PTPRB: variants seen among roughly 807,000 people sequenced by gnomAD.
PTPRB encodes protein tyrosine phosphatase receptor type B, also known as receptor-type tyrosine-protein phosphatase beta.
In PTPRB, 97 loss-of-function variants were observed where a neutral mutation model predicts 238.1. The ratio of observed to expected loss-of-function variants is 0.41; its 90% CI spans 0.35 to 0.48. The LOEUF is 0.48. PTPRB is among the 20% of genes least tolerant of loss of function. The pLI is 0.30. For missense variants in PTPRB, 2,292 were observed against 2,681.9 expected (o/e 0.85, Z 3.21); for synonymous variants, 970 against 995.4 (o/e 0.97, Z 0.48).
Position 70,524,517 on chromosome 12 carries a change from G to T in PTPRB, c.6579C>A (p.Asn2193Lys), listed in dbSNP as rs372767910. ...RARKLRSEQE[N>K]PLFPIYENVN... Reference sequence around the variant, plus strand: ...CATTTTCATAGATTGGAAACAAGGGGTTTTCTTGTTCACTCCGTAGCTTTC... The same window carrying T: ...CATTTTCATAGATTGGAAACAAGGGTTTTTCTTGTTCACTCCGTAGCTTTC... The change falls in exon 33 of 34, where the codon AAC becomes AAA. Residue 2193 changes from asparagine (N) to lysine (K), a missense_variant. Transcript: ENST00000334414. 3.1e-6 allele frequency: 5 copies of T among 1,613,446 alleles called. No individual in the cohort carries two copies. In the South Asian group the frequency reaches 5.5e-5, roughly 18 times the overall value.
At chr12:70,577,218 T>C (rs1446393147) in intron 10 of PTPRB, among the ~76,000 whole-genome samples, 5 of 152,078 alleles carry the variant, frequency 3.3e-5, no homozygotes, top group African/African-American at 1.2e-4. Flanking sequence ...TGCCCTCTAG[T>C]GGTAAGAAAT....
intron 2 of PTPRB, among the ~76,000 whole-genome samples, chr12:70,633,459 A>G (rs1226585377): frequency 6.6e-6 from 1 of 152,162 alleles, no homozygotes; most frequent in Non-Finnish European, 1.5e-5. Context: ...AAACCAAAGA[A>G]AAAACAAAAA....
At chr12:70,535,123 G>T (rs1873903132) in intron 29 of PTPRB, among the ~76,000 whole-genome samples, 168 bp from the exon 30 acceptor site, 2 of 151,910 alleles carry the variant, frequency 1.3e-5, no homozygotes, top group African/African-American at 4.8e-5. Context: ...TGCTGAAGCT[G>T]AGGTGCTGCT....
At chr12:70,554,117 C>T (rs887515053) in intron 20 of PTPRB, among the ~76,000 whole-genome samples, 1 of 152,186 alleles carries the variant, frequency 6.6e-6, no homozygotes, top group Non-Finnish European at 1.5e-5. Context: ...ACACCACTGA[C>T]CCTTGAAATT....
chr12:70,531,888 C>T, intron 32 of PTPRB, 147 bp downstream of exon 32: 1 of 920,132 alleles, frequency 1.1e-6, no homozygotes, highest in Non-Finnish European at 1.6e-6. Flanking sequence ...AATAACAAGT[C>T]TTAGAAAATA....
intron 18 of PTPRB, among the ~76,000 whole-genome samples, chr12:70,557,182 A>G (rs1592466715): frequency 6.6e-6 from 1 of 152,318 alleles, no homozygotes; most frequent in African/African-American, 2.4e-5. Context: ...AAACCCAGGT[A>G]CCAAAGGAGG....
chr12:70,608,303 T>A (rs1466328152), intron 4 of PTPRB, among the ~76,000 whole-genome samples: 1 of 152,210 alleles, frequency 6.6e-6, no homozygotes, highest in African/African-American at 2.4e-5. Context: ...TGAGGGTAGC[T>A]CTGAGGATTA....
chr12:70,524,459 G>A lies in PTPRB; in HGVS notation c.6625+12C>T, dbSNP rs747856476. The A allele has an allele frequency of 5.7e-6, 9 of 1,591,624 alleles. No homozygotes were observed. The highest frequency in any genetic ancestry group is 1.3e-5 in the African/African-American group (1 of 74,522). On this transcript the variant is annotated intron_variant, in intron 33 of 33. Transcript: ENST00000334414. ...GAAGAAACTTGGGGAAGTAAGTGAA[G>A]TAAGTGCCCACCTCTGTGATACTCT...
intron 32 of PTPRB, 141 bp from the exon 33 acceptor site, chr12:70,524,732 A>G: frequency 1.1e-6 from 1 of 881,582 alleles, no homozygotes; most frequent in East Asian, 2.8e-5. Flanking sequence ...TCTCTGGTAA[A>G]TAAAAGAGTG....
At chr12:70,622,279 G>A (rs956659476) in intron 3 of PTPRB, 111 bp downstream of exon 3, 21 of 1,433,102 alleles carry the variant, frequency 1.5e-5, no homozygotes, top group Non-Finnish European at 2.0e-5. Context: ...CAGGGTGAGA[G>A]TGCCTAATCC....
At chr12:70,580,994 C>A in intron 10 of PTPRB, 42 bp downstream of exon 10, 2 of 1,588,954 alleles carry the variant, frequency 1.3e-6, no homozygotes, top group South Asian at 2.3e-5. Flanking sequence ...CTCATGTACT[C>A]AGATCTTAGT....
At chr12:70,627,628 ATG>A (rs1306419890) in intron 2 of PTPRB, among the ~76,000 whole-genome samples, 1 of 152,146 alleles carries the variant, frequency 6.6e-6, no homozygotes. Context: ...GTTCAGTGAC[ATG>A]TCACAGGCTG....
chr12:70,548,368 A>T (rs1175552902), intron 21 of PTPRB, among the ~76,000 whole-genome samples: 3 of 151,368 alleles, frequency 2.0e-5, no homozygotes, highest in Non-Finnish European at 2.9e-5. Context: ...ACACACACAC[A>T]CACACACACA....
rs768508625 is a variant in PTPRB at position 70,559,431 on chromosome 12, T to C, written c.4626A>G (p.Pro1542=). The part of the protein sequence containing the change: ...SEGRIVYGLR[P]GRSYQFNVKT... ...TGACGTTGAATTGATAGGATCTCCC[T>C]GGACGAAGACCATACACAATGCGTC... Residue 1542 remains proline, a synonymous_variant, in exon 18 of 34, where the codon CCA becomes CCG. Transcript: ENST00000334414. 8 of 1,613,926 alleles carry C rather than the reference T, an allele frequency of 5.0e-6. No individual in the cohort carries two copies. Among genetic ancestry groups the C allele is most frequent in the Admixed American group, 1.7e-5 (1 of 60,006 alleles).
chr12:70,550,169 G>A (rs1321300919), intron 21 of PTPRB, among the ~76,000 whole-genome samples: 1 of 152,234 alleles, frequency 6.6e-6, no homozygotes, highest in African/African-American at 2.4e-5. Flanking sequence ...CCAGCTGTGG[G>A]CTGACAGGAT....
At chr12:70,552,744 C>G in intron 21 of PTPRB, 33 bp downstream of exon 21, 1 of 1,610,992 alleles carries the variant, frequency 6.2e-7, no homozygotes, top group East Asian at 2.2e-5. Context: ...TGTAGCATGT[C>G]CCTTCTAGCA....
At chr12:70,618,018 A>G (rs1204109468) in intron 3 of PTPRB, among the ~76,000 whole-genome samples, 1 of 152,228 alleles carries the variant, frequency 6.6e-6, no homozygotes, top group East Asian at 1.9e-4. Context: ...GGAATGATGA[A>G]GCAGGAACAA....
chr12:70,573,683 T>C (rs1880375301), intron 11 of PTPRB, among the ~76,000 whole-genome samples: 1 of 151,884 alleles, frequency 6.6e-6, no homozygotes, highest in Non-Finnish European at 1.5e-5. Flanking sequence ...TTTTTTGTAT[T>C]TTTAGTAGAG....
intron 3 of PTPRB, among the ~76,000 whole-genome samples, chr12:70,613,966 GAA>G (rs1884571042): frequency 6.6e-6 from 1 of 152,100 alleles, no homozygotes; most frequent in South Asian, 2.1e-4. Context: ...TGACAAAGAA[GAA>G]AAGATTCATT....
Sources: allele counts gnomAD v4.1 joint callset (sites outside exome capture counted in the v4.1 genomes callset), GRCh38; gene constraint gnomAD v4.1.1; transcripts MANE v1.5; gene names NCBI Gene and HGNC (gene_info 2026-07-23, HGNC 2026-07-21).